Variants in SLC66A3 observed in about 807,000 individuals in gnomAD.
SLC66A3 encodes the protein solute carrier family 66 member 3.
A neutral mutation model predicts 25.5 loss-of-function variants in SLC66A3; 23 were observed. The observed-to-expected ratio is 0.90, with a 90% CI of 0.65 to 1.28. The LOEUF is 1.28. Ranked by LOEUF, SLC66A3 falls within the 50% of genes most tolerant of loss-of-function variation. SLC66A3 has a pLI of 0.00. For missense variants in SLC66A3, 246 were observed against 262.1 expected (o/e 0.94, Z 0.42); for synonymous variants, 108 against 112.6 (o/e 0.96, Z 0.26).
chr2:11,157,400 G>C (rs1661945444), intron 1 of SLC66A3, among the ~76,000 whole-genome samples: 1 of 152,242 alleles, frequency 6.6e-6, no homozygotes, highest in Non-Finnish European at 1.5e-5. Flanking sequence ...CAGGGCCAGG[G>C]CCAGGCACAC....
intron 3 of SLC66A3, among the ~76,000 whole-genome samples, chr2:11,161,784 G>C (rs192107620): frequency 6.9e-4 from 105 of 152,374 alleles, no homozygotes; most frequent in Non-Finnish European, 1.3e-3. Context: ...GCTTTCCAAA[G>C]TGCTGGGATT....
At chr2:11,168,599 C>T (rs868770571) in intron 4 of SLC66A3, among the ~76,000 whole-genome samples, 2 of 152,116 alleles carry the variant, frequency 1.3e-5, no homozygotes, top group African/African-American at 2.4e-5. Flanking sequence ...ACCGACTCCT[C>T]GCCACCCCGC....
At position 11,170,733 on chromosome 2, in the gene SLC66A3, C is replaced by A. The variant is rs1297284196; in HGVS notation, c.355-1192C>A. On this transcript the variant is annotated intron_variant, in intron 4 of 6. Coordinates refer to ENST00000295083, the MANE Select transcript of SLC66A3 (RefSeq NM_152391.5). ...CCTTCCTAGTAGCTGGGATTACAGG[C>A]GCCCGCCACTACACCCAGCTAATTT... 2.6e-5 allele frequency among the ~76,000 whole-genome samples: 4 copies of A among 151,646 alleles called. No individual in the cohort carries two copies. In the East Asian group the frequency reaches 7.8e-4, roughly 29 times the overall value.
At position 11,178,037 on chromosome 2, in the gene SLC66A3, A is replaced by C. The variant is rs1042544839; in HGVS notation, c.*209A>C. 48 of 521,056 alleles carry C rather than the reference A, an allele frequency of 9.2e-5. No individual in the cohort carries two copies. The Middle Eastern group carries it at 2.1e-3, about 22-fold the overall frequency. The allele number at this position is 521,056 out of a possible 1,614,324, so 32.3% of individuals were successfully genotyped here. On this transcript the variant is annotated 3_prime_UTR_variant, in exon 7 of 7. Coordinates refer to ENST00000295083, the MANE Select transcript of SLC66A3 (RefSeq NM_152391.5). ...TCCTCCTTCCTCACTTCGTTAGGTT[A>C]TGGTAGTGCTCAGACATCTGCAGTG...
At chr2:11,172,659 T>C (rs1397711695) in intron 5 of SLC66A3, 2 of 337,688 alleles carry the variant, frequency 5.9e-6, no homozygotes, top group African/African-American at 4.4e-5. Context: ...GGCTAATGTC[T>C]CCATCCATGG....
Position 11,177,971 on chromosome 2 carries a change from A to G in SLC66A3, c.*143A>G. 1.7e-6 allele frequency: 1 copy of G among 598,350 alleles called. No homozygotes were observed. The allele number at this position is 598,350 out of a possible 1,614,324, so 37.1% of individuals were successfully genotyped here. On this transcript the variant is annotated 3_prime_UTR_variant, in exon 7 of 7. Coordinates refer to ENST00000295083, the MANE Select transcript of SLC66A3 (RefSeq NM_152391.5). Reference sequence around the variant, plus strand: ...CCAAAGGTTTTTTTAGACTTGAAAGAAAGAGCCACTTAAATTCTTGTTTAA... The same window carrying G: ...CCAAAGGTTTTTTTAGACTTGAAAGGAAGAGCCACTTAAATTCTTGTTTAA...
intron 5 of SLC66A3, among the ~76,000 whole-genome samples, chr2:11,174,011 G>A (rs1662644368): frequency 6.6e-6 from 1 of 152,184 alleles, no homozygotes; most frequent in South Asian, 2.1e-4. Flanking sequence ...CTGGAGTGTA[G>A]TGGCATGATC....
intron 6 of SLC66A3, among the ~76,000 whole-genome samples, chr2:11,176,736 G>C (rs1471742427): frequency 1.4e-5 from 2 of 144,980 alleles, no homozygotes; most frequent in Non-Finnish European, 3.0e-5. Context: ...CACCGTTTTA[G>C]CCGGGATGGT....
chr2:11,159,815 CCTTTT>C (rs1382912075), intron 1 of SLC66A3, among the ~76,000 whole-genome samples: 1 of 152,156 alleles, frequency 6.6e-6, no homozygotes, highest in Non-Finnish European at 1.5e-5. Context: ...GGAAGCTCTG[CCTTTT>C]CTTCTGAGAA....
chr2:11,155,494 G>T lies in SLC66A3; in HGVS notation c.-53G>T, dbSNP rs770586280. On this transcript the variant is annotated 5_prime_UTR_variant, in exon 1 of 7. Transcript: ENST00000295083. ...GCTTCGGCAGAGCTGCGCCGCCGAGGCTGAGCGGTCCCTTCTCGCTGCGGC... is the reference window on the plus strand; with the variant it reads ...GCTTCGGCAGAGCTGCGCCGCCGAGTCTGAGCGGTCCCTTCTCGCTGCGGC... 17 of 1,442,924 alleles carry T rather than the reference G, an allele frequency of 1.2e-5. No homozygotes were observed. The highest frequency in any genetic ancestry group is 1.4e-5 in the Non-Finnish European group (16 of 1,106,860). The allele number at this position is 1,442,924 out of a possible 1,614,324, so 89.4% of individuals were successfully genotyped here.
At chr2:11,167,409 C>T (rs1662383107) in intron 4 of SLC66A3, among the ~76,000 whole-genome samples, 3 of 152,194 alleles carry the variant, frequency 2.0e-5, no homozygotes, top group Admixed American at 2.0e-4. Flanking sequence ...AGCCATTGCA[C>T]TCCAGCCTGG....
intron 6 of SLC66A3, among the ~76,000 whole-genome samples, chr2:11,177,251 G>A (rs760503144): frequency 1.3e-5 from 2 of 152,158 alleles, no homozygotes; most frequent in South Asian, 4.1e-4. Context: ...CTTGAGGTCA[G>A]GAGTTTGAGA....
intron 5 of SLC66A3, among the ~76,000 whole-genome samples, 174 bp downstream of exon 5, chr2:11,172,219 A>C (rs767845794): frequency 1.3e-5 from 2 of 152,044 alleles, no homozygotes; most frequent in Non-Finnish European, 2.9e-5. Flanking sequence ...ATTTAATGCA[A>C]ACTGCTCTCC....
chr2:11,166,777 C>A (rs2147993485), intron 4 of SLC66A3, among the ~76,000 whole-genome samples: 1 of 152,276 alleles, frequency 6.6e-6, no homozygotes, highest in South Asian at 2.1e-4. Flanking sequence ...CACCTGTAAT[C>A]CCAGCTACTT....
intron 4 of SLC66A3, among the ~76,000 whole-genome samples, chr2:11,171,372 T>A (rs1374266825): frequency 6.6e-6 from 1 of 152,126 alleles, no homozygotes; most frequent in Non-Finnish European, 1.5e-5. Context: ...TTCACCAAAC[T>A]TAGGTTTCAA....
intron 5 of SLC66A3, among the ~76,000 whole-genome samples, chr2:11,173,844 ATAAAC>A (rs1276775667): frequency 6.6e-6 from 1 of 152,234 alleles, no homozygotes; most frequent in Admixed American, 6.5e-5. Flanking sequence ...TGGCACACAA[ATAAAC>A]TAAACAAAAT....
intron 5 of SLC66A3, 28 bp from the exon 6 acceptor site, chr2:11,174,940 A>G (rs1349896374): frequency 6.3e-7 from 1 of 1,598,268 alleles, no homozygotes; most frequent in Non-Finnish European, 8.5e-7. Flanking sequence ...GAGGCAAGTT[A>G]CTTATTGCTG....
At chr2:11,159,731 GACAA>G (rs986332440) in intron 1 of SLC66A3, among the ~76,000 whole-genome samples, 1 of 152,172 alleles carries the variant, frequency 6.6e-6, no homozygotes, top group African/African-American at 2.4e-5. Context: ...TGGGTGATGA[GACAA>G]ACAGGTAGCC....
intron 2 of SLC66A3, 30 bp downstream of exon 2, chr2:11,160,578 G>T: frequency 1.2e-6 from 2 of 1,614,138 alleles, no homozygotes; most frequent in Non-Finnish European, 1.7e-6. Context: ...CCAGCGGACT[G>T]CCACGGGTCT....
Sources: allele counts gnomAD v4.1 joint callset (sites outside exome capture counted in the v4.1 genomes callset), GRCh38; gene constraint gnomAD v4.1.1; transcripts MANE v1.5; gene names NCBI Gene and HGNC (gene_info 2026-07-23, HGNC 2026-07-21).